FILIP1L: variants seen among roughly 807,000 people sequenced by gnomAD.
The protein encoded by FILIP1L is filamin A-interacting protein 1-like.
A neutral mutation model predicts 96.6 loss-of-function variants in FILIP1L; 55 were observed. That is an observed-to-expected ratio of 0.57 (90% confidence interval 0.46 to 0.71). The LOEUF (loss-of-function observed/expected upper bound fraction) is 0.71. Among genes scored for constraint, FILIP1L ranks in the 30% least tolerant of loss-of-function variants. The pLI is 0.00. For synonymous variants in FILIP1L, 467 were observed against 473.9 expected (o/e 0.99, Z 0.19); for missense variants, 1,304 against 1,321.2 (o/e 0.99, Z 0.20).
intron 1 of FILIP1L, among the ~76,000 whole-genome samples, chr3:100,078,720 A>G (rs1345136291): frequency 6.6e-6 from 1 of 152,074 alleles, no homozygotes; most frequent in Non-Finnish European, 1.5e-5. Flanking sequence ...GCGAAACCCC[A>G]TCTCTACTAA....
intron 4 of FILIP1L, among the ~76,000 whole-genome samples, chr3:99,923,347 C>A (rs1435082719): frequency 6.6e-6 from 1 of 152,166 alleles, no homozygotes; most frequent in Non-Finnish European, 1.5e-5. Context: ...TCATACTCAA[C>A]ATGTCTAAAC....
intron 1 of FILIP1L, among the ~76,000 whole-genome samples, chr3:100,095,094 A>G (rs989925102): frequency 7.2e-5 from 11 of 152,172 alleles, no homozygotes; most frequent in Admixed American, 7.2e-4. Flanking sequence ...TCATTGATCT[A>G]TGTGACTATC....
chr3:99,836,347 G>A (rs1184126521), intron 5 of FILIP1L, among the ~76,000 whole-genome samples: 1 of 152,132 alleles, frequency 6.6e-6, no homozygotes. Context: ...CATCAATAGA[G>A]GCGAGACAAA....
At chr3:100,076,714 T>G (rs895857383) in intron 1 of FILIP1L, among the ~76,000 whole-genome samples, 1 of 152,246 alleles carries the variant, frequency 6.6e-6, no homozygotes, top group African/African-American at 2.4e-5. Flanking sequence ...CACCTCTGTT[T>G]CTTCTACCAT....
intron 1 of FILIP1L, among the ~76,000 whole-genome samples, chr3:100,014,891 C>CTTTTTTTTTTTTTTTTTTTTTTTT (rs1710284139): frequency 1.1e-4 from 3 of 27,226 alleles, no homozygotes; most frequent in African/African-American, 3.0e-4. Context: ...TTTTTTCTTT[C>CTTTTTTTTTTTTTTTTTTTTTTTT]TTTCTTTTTT....
chr3:99,931,828 T>G (rs1707491453), intron 1 of FILIP1L, among the ~76,000 whole-genome samples: 1 of 152,154 alleles, frequency 6.6e-6, no homozygotes. Flanking sequence ...CCAAATGAAT[T>G]TATAATAGGA....
In FILIP1L at chr3:99,935,550, G is replaced by T. The variant is rs116263846; in HGVS notation, c.-10-4520C>A. Among the ~76,000 whole-genome samples, 793 of 152,264 alleles carry T rather than the reference G, an allele frequency of 5.2e-3. 7 individuals carry two copies. The highest frequency in any genetic ancestry group is 0.018 in the African/African-American group (755 of 41,538). On this transcript the variant is annotated intron_variant, in intron 1 of 5. Coordinates refer to ENST00000477258, the MANE Select transcript of FILIP1L (RefSeq NM_001387850.1). ...TTATAAAATGAGAATACTGGGATAGGTTGTCCCATGAGATCACTCAGGCTG... is the reference window on the plus strand; with the variant it reads ...TTATAAAATGAGAATACTGGGATAGTTTGTCCCATGAGATCACTCAGGCTG...
intron 1 of FILIP1L, among the ~76,000 whole-genome samples, chr3:100,021,915 TTGTGTGTGTGTGTGTGTGTGTG>T (rs61704772): frequency 2.8e-5 from 3 of 105,958 alleles, no homozygotes; most frequent in South Asian, 3.7e-4. Flanking sequence ...CTAGATCCCA[TTGTGTGTGTGTGTGTGTGTGTG>T]TGTGTGTGTG....
chr3:99,984,268 A>C (rs893326260), intron 1 of FILIP1L, among the ~76,000 whole-genome samples: 2 of 152,180 alleles, frequency 1.3e-5, no homozygotes, highest in Admixed American at 6.5e-5. Context: ...TATTATGTAG[A>C]GTGTCCTGTC....
At chr3:99,916,926 T>C (rs556483585) in intron 4 of FILIP1L, among the ~76,000 whole-genome samples, 1 of 152,350 alleles carries the variant, frequency 6.6e-6, no homozygotes, top group Middle Eastern at 3.4e-3. Flanking sequence ...TACCTATGAG[T>C]TGCAAATTCA....
At chr3:99,980,897 A>G (rs1709102392) in intron 1 of FILIP1L, among the ~76,000 whole-genome samples, 1 of 152,152 alleles carries the variant, frequency 6.6e-6, no homozygotes, top group Non-Finnish European at 1.5e-5. Context: ...CTAGGTTTGA[A>G]TCGGGTACTT....
Position 99,995,512 on chromosome 3 carries a change from G to A in FILIP1L, c.-10-64482C>T, listed in dbSNP as rs569530184. 9.9e-5 allele frequency among the ~76,000 whole-genome samples: 15 copies of A among 152,274 alleles called. No homozygotes were observed. The South Asian group carries it at 2.3e-3, about 23-fold the overall frequency. ...CCATTCTGGGGTCTGGAGGATGGTG[G>A]CCCTCTTCTCACAGCTCCACTAGGC... On this transcript the variant is annotated intron_variant, in intron 1 of 5. Transcript: ENST00000477258.
chr3:100,098,528 C>T (rs1475260832), intron 1 of FILIP1L, among the ~76,000 whole-genome samples: 1 of 152,224 alleles, frequency 6.6e-6, no homozygotes, highest in African/African-American at 2.4e-5. Context: ...CTATAATTGA[C>T]TGACTCTATA....
intron 5 of FILIP1L, among the ~76,000 whole-genome samples, chr3:99,838,647 G>A (rs1576498310): frequency 6.6e-6 from 1 of 152,162 alleles, no homozygotes; most frequent in Non-Finnish European, 1.5e-5. Context: ...GCAACTCAGT[G>A]TGTTGCCACG....
At position 99,851,080 on chromosome 3, in the gene FILIP1L, G is replaced by A. The variant is rs1447628945; in HGVS notation, c.606-10C>T. ...AATTAGCTTCTTTAATCTGAAAAAT[G>A]TAAAGTGCATTTTATTTTGTGATTG... On this transcript the variant is annotated splice_polypyrimidine_tract_variant and intron_variant, in intron 4 of 5. Coordinates refer to ENST00000477258, the MANE Select transcript of FILIP1L (RefSeq NM_001387850.1). The A allele has an allele frequency of 6.4e-7, 1 of 1,560,088 alleles. No individual in the cohort carries two copies. Among genetic ancestry groups the A allele is most frequent in the African/African-American group, 1.4e-5 (1 of 72,598 alleles).
rs996877372 is a variant in FILIP1L, at chr3:99,829,554, AGAT to A, written c.*857_*859del. On this transcript the variant is annotated 3_prime_UTR_variant, in exon 6 of 6. Coordinates refer to ENST00000477258, the MANE Select transcript of FILIP1L (RefSeq NM_001387850.1). ...TTTTACATGTGGAAACTCAAGGCTTAGATTGATGAATGCAAAGCTCGTTGTCAC... is the reference window on the plus strand; with the variant it reads ...TTTTACATGTGGAAACTCAAGGCTTATGATGAATGCAAAGCTCGTTGTCAC... Among the ~76,000 whole-genome samples, 3 of 152,238 alleles carry A rather than the reference AGAT, an allele frequency of 2.0e-5. No homozygotes were observed.
At chr3:100,030,657 A>G (rs1245310744) in intron 1 of FILIP1L, among the ~76,000 whole-genome samples, 1 of 152,134 alleles carries the variant, frequency 6.6e-6, no homozygotes, top group African/African-American at 2.4e-5. Flanking sequence ...TGTCCCCACA[A>G]CTAATTTAAC....
At chr3:100,018,735 C>A (rs1302526334) in intron 1 of FILIP1L, among the ~76,000 whole-genome samples, 24 of 120,178 alleles carry the variant, frequency 2.0e-4, no homozygotes, top group African/African-American at 3.4e-4. Flanking sequence ...TTCCGCATAG[C>A]AAAAAAAAAA....
chr3:99,998,799 G>A (rs1002861690), intron 1 of FILIP1L, among the ~76,000 whole-genome samples: 1 of 152,186 alleles, frequency 6.6e-6, no homozygotes, highest in African/African-American at 2.4e-5. Context: ...TCGATCTCCT[G>A]ACCTCGTGAT....
Sources: gnomAD v4.1 joint callset for allele counts (sites outside exome capture counted in the v4.1 genomes callset) on GRCh38, gnomAD v4.1.1 for gene constraint, MANE v1.5 for transcripts, NCBI Gene and HGNC (gene_info 2026-07-23, HGNC 2026-07-21) for gene names.